The following NCEH1 variants were observed in gnomAD, a reference collection of about 807,000 sequenced individuals.
NCEH1 encodes neutral cholesterol ester hydrolase 1.
A neutral mutation model predicts 25.4 loss-of-function variants in NCEH1; 9 were observed. The ratio of observed to expected loss-of-function variants is 0.35; its 90% confidence interval spans 0.21 to 0.62. The LOEUF (loss-of-function observed/expected upper bound fraction) is 0.62, where lower values mean the gene tolerates loss of function less well. NCEH1 is among the 20% of genes least tolerant of loss of function. The pLI is 0.72. For synonymous variants in NCEH1, 200 were observed against 199.8 expected (o/e 1.00, Z -0.01); for missense variants, 412 against 501.1 (o/e 0.82, Z 1.70).
At chr3:172,688,264 AG>A (rs1712809812) in intron 1 of NCEH1, among the ~76,000 whole-genome samples, 1 of 132,898 alleles carries the variant, frequency 7.5e-6, no homozygotes, top group African/African-American at 2.9e-5. Context: ...TGGGAGGCGG[AG>A]GTTGCAGTGA....
intron 1 of NCEH1, among the ~76,000 whole-genome samples, chr3:172,697,166 CA>C (rs1156773009): frequency 6.6e-6 from 1 of 151,546 alleles, no homozygotes; most frequent in Non-Finnish European, 1.5e-5. Context: ...TGAGCTCAGG[CA>C]ATCCACCGGT....
At chr3:172,668,348 AT>A (rs1200625132) in intron 1 of NCEH1, among the ~76,000 whole-genome samples, 8,270 of 78,092 alleles carry the variant, frequency 0.11, 204 homozygotes, top group East Asian at 0.26. Flanking sequence ...AAAAGGAAGC[AT>A]TTTTTTTTTT....
intron 1 of NCEH1, among the ~76,000 whole-genome samples, chr3:172,678,479 C>A (rs558761477): frequency 3.3e-5 from 5 of 152,294 alleles, no homozygotes; most frequent in Middle Eastern, 3.4e-3. Flanking sequence ...GACGTTGGAA[C>A]AAGTCACTCC....
chr3:172,633,559 C>T lies in NCEH1; in HGVS notation c.1143G>A (p.Met381Ile), dbSNP rs767805511. Residue 381 changes from methionine (M) to isoleucine (I), a missense_variant, in exon 5 of 5, where the codon ATG becomes ATA. Coordinates refer to ENST00000475381, the MANE Select transcript of NCEH1 (RefSeq NM_020792.6). ...DHFEDGFHGC[M>I]IFTSWPTNFS... ...AGTTGGTGGGCCAGCTAGTGAAAAT[C>T]ATACATCCGTGAAAGCCATCCTCAA... is the stretch of plus-strand genomic sequence containing the variant. 1.2e-6 allele frequency: 2 copies of T among 1,614,106 alleles called. No homozygotes were observed.
intron 1 of NCEH1, among the ~76,000 whole-genome samples, chr3:172,693,719 T>C (rs1314974646): frequency 6.6e-6 from 1 of 152,192 alleles, no homozygotes; most frequent in Non-Finnish European, 1.5e-5. Context: ...TTCATTTAAT[T>C]GAACAATTCA....
intron 1 of NCEH1, among the ~76,000 whole-genome samples, chr3:172,710,112 G>GTA (rs2108236498): frequency 6.6e-6 from 1 of 152,320 alleles, no homozygotes; most frequent in East Asian, 1.9e-4. Context: ...GTTAAGGCAG[G>GTA]TAACCTCGCT....
At chr3:172,667,520 A>C (rs968230042) in intron 1 of NCEH1, among the ~76,000 whole-genome samples, 1 of 152,172 alleles carries the variant, frequency 6.6e-6, no homozygotes, top group African/African-American at 2.4e-5. Flanking sequence ...TAGTCCCATC[A>C]CTTAGTTTAT....
intron 1 of NCEH1, among the ~76,000 whole-genome samples, chr3:172,663,453 G>A (rs764125365): frequency 6.6e-6 from 1 of 152,194 alleles, no homozygotes; most frequent in Non-Finnish European, 1.5e-5. Context: ...TTGGGATGGA[G>A]AGTTCTGTAG....
intron 3 of NCEH1, among the ~76,000 whole-genome samples, chr3:172,638,827 C>T (rs1016672797): frequency 6.6e-6 from 1 of 152,188 alleles, no homozygotes; most frequent in Non-Finnish European, 1.5e-5. Context: ...AAACATGCTA[C>T]TGCTCAATCT....
intron 1 of NCEH1, among the ~76,000 whole-genome samples, chr3:172,702,137 C>T (rs902177994): frequency 2.6e-5 from 4 of 152,354 alleles, no homozygotes; most frequent in South Asian, 2.1e-4. Context: ...CGAATTCAGG[C>T]TCCACCTCGT....
chr3:172,639,767 G>C (rs1716765060), intron 3 of NCEH1, among the ~76,000 whole-genome samples: 1 of 152,116 alleles, frequency 6.6e-6, no homozygotes, highest in South Asian at 2.1e-4. Flanking sequence ...AACAAAATTT[G>C]GTGTAAATTC....
chr3:172,667,662 A>G (rs1356185395), intron 1 of NCEH1, among the ~76,000 whole-genome samples: 1 of 152,202 alleles, frequency 6.6e-6, no homozygotes, highest in Non-Finnish European at 1.5e-5. Flanking sequence ...GGTCATACGG[A>G]AAGGAAGGAG....
At chr3:172,638,919 C>A (rs1485981727) in intron 3 of NCEH1, among the ~76,000 whole-genome samples, 7 of 152,162 alleles carry the variant, frequency 4.6e-5, no homozygotes, top group Admixed American at 2.0e-4. Flanking sequence ...TTCCTGGTGC[C>A]ATAAAGATCC....
Position 172,658,386 on chromosome 3 carries a change from CCTTAT to C in NCEH1, c.139-10277_139-10273del, listed in dbSNP as rs1717803832. Among the ~76,000 whole-genome samples the C allele has an allele frequency of 2.0e-5, 3 of 152,202 alleles. No individual in the cohort carries two copies. In the South Asian group the frequency reaches 6.2e-4, roughly 31 times the overall value. ...ATTTTTCCTGTACCTGTCCTTCTTC[CCTTAT>C]TTCTTTTACTCAGAATTATTTTTGT... On this transcript the variant is annotated intron_variant, in intron 1 of 4. Transcript: ENST00000475381.
chr3:172,658,755 T>G (rs1288360261), intron 1 of NCEH1, among the ~76,000 whole-genome samples: 3 of 151,968 alleles, frequency 2.0e-5, no homozygotes, highest in African/African-American at 7.3e-5. Context: ...ACATTTGGTT[T>G]TTTTCCTCCC....
At position 172,691,142 on chromosome 3, in the gene NCEH1, T is replaced by C. The variant is rs549765649; in HGVS notation, c.138+19705A>G. Among the ~76,000 whole-genome samples the C allele has an allele frequency of 1.3e-3, 199 of 152,252 alleles. 2 individuals are homozygous for C. The highest frequency in any genetic ancestry group is 4.5e-3 in the African/African-American group (188 of 41,534). The stretch of plus-strand genomic sequence containing the variant: ...GGGCAGTAGATACTTTCTCCAAACA[T>C]AGAGCGGGCTGGACTGTAGGATTCC... On this transcript the variant is annotated intron_variant, in intron 1 of 4. Coordinates refer to ENST00000475381, the MANE Select transcript of NCEH1 (RefSeq NM_020792.6).
At chr3:172,653,741 TTTG>T (rs1296566581) in intron 1 of NCEH1, among the ~76,000 whole-genome samples, 2 of 39,804 alleles carry the variant, frequency 5.0e-5, no homozygotes, top group African/African-American at 2.2e-4. Context: ...TTCTGTTTTT[TTTG>T]TTTTTTTGTT....
chr3:172,638,275 C>CAAAAAAAAAAAAA (rs1560178436), intron 3 of NCEH1, among the ~76,000 whole-genome samples: 2 of 81,934 alleles, frequency 2.4e-5, no homozygotes, highest in African/African-American at 8.2e-5. Flanking sequence ...GAGACTCTGT[C>CAAAAAAAAAAAAA]CAAAAAAAAA....
rs1317325924 is a variant in NCEH1 at position 172,633,464 on chromosome 3, G to A, written c.*11C>T. On this transcript the variant is annotated 3_prime_UTR_variant, in exon 5 of 5. Transcript: ENST00000475381. Reference sequence around the variant, plus strand: ...CAAGAGGGGCTCGAGGCTTCTGGAAGTTTTGCTCCTTTACAGGTTTTGATC... The same window carrying A: ...CAAGAGGGGCTCGAGGCTTCTGGAAATTTTGCTCCTTTACAGGTTTTGATC... 1.2e-6 allele frequency: 2 copies of A among 1,607,354 alleles called. No homozygotes were observed. The highest frequency in any genetic ancestry group is 1.7e-6 in the Non-Finnish European group (2 of 1,175,724).
Sources: allele counts gnomAD v4.1 joint callset (sites outside exome capture counted in the v4.1 genomes callset), GRCh38; gene constraint gnomAD v4.1.1; transcripts MANE v1.5; gene names NCBI Gene and HGNC (gene_info 2026-07-23, HGNC 2026-07-21).